Variants in LGR4 observed in about 807,000 individuals in gnomAD.
LGR4 encodes leucine-rich repeat-containing G protein-coupled receptor 4.
Under a neutral mutation model 84.8 loss-of-function variants are expected in LGR4, and 44 were observed. The observed-to-expected ratio is 0.52, with a 90% confidence interval of 0.41 to 0.67. LGR4 has a LOEUF of 0.67. LGR4 is among the 30% of genes least tolerant of loss of function. The pLI, the probability that LGR4 is intolerant of heterozygous loss-of-function variation, is 0.00. For missense variants in LGR4, 1,032 were observed against 1,131.4 expected, an observed-to-expected ratio of 0.91 and a Z score of 1.26; for synonymous variants, 429 against 434.3, an observed-to-expected ratio of 0.99 and a Z score of 0.15.
chr11:27,456,319 C>CAA (rs754615903), intron 1 of LGR4, among the ~76,000 whole-genome samples: 3 of 151,746 alleles, frequency 2.0e-5, no homozygotes, highest in African/African-American at 7.3e-5. Context: ...ACACCATCAA[C>CAA]ACACAGTGTT....
chr11:27,441,132 CAG>C (rs1864298667), intron 1 of LGR4, among the ~76,000 whole-genome samples: 2 of 152,252 alleles, frequency 1.3e-5, no homozygotes, highest in Admixed American at 1.3e-4. Context: ...GTTAAGCAAA[CAG>C]AATAAGAAAT....
At chr11:27,382,863 C>T (rs540113036) in intron 6 of LGR4, among the ~76,000 whole-genome samples, 1 of 151,778 alleles carries the variant, frequency 6.6e-6, no homozygotes, top group South Asian at 2.1e-4. Context: ...CTAAAAATAC[C>T]AAAATTAGCA....
intron 1 of LGR4, among the ~76,000 whole-genome samples, chr11:27,418,566 C>A (rs1009579199): frequency 6.6e-6 from 1 of 152,072 alleles, no homozygotes; most frequent in Admixed American, 6.6e-5. Flanking sequence ...TTCTCTACAG[C>A]CTTGGAATCC....
chr11:27,425,828 T>A lies in LGR4; in HGVS notation c.186-12968A>T, dbSNP rs143166350. ...CTAATTCCTCATCTGTACAATATTA[T>A]GATAATATGAAAAACTTAAACTTAT... On this transcript the variant is annotated intron_variant, in intron 1 of 17. Coordinates refer to ENST00000379214, the MANE Select transcript of LGR4 (RefSeq NM_018490.5). 4.7e-3 allele frequency among the ~76,000 whole-genome samples: 711 copies of A among 152,308 alleles called. 2 individuals are homozygous for A. The highest frequency in any genetic ancestry group is 0.016 in the African/African-American group (674 of 41,562).
At chr11:27,405,362 T>A (rs901111795) in intron 2 of LGR4, among the ~76,000 whole-genome samples, 4 of 152,020 alleles carry the variant, frequency 2.6e-5, no homozygotes, top group Non-Finnish European at 5.9e-5. Flanking sequence ...TCCCAAGGAG[T>A]TGTCTTTGGC....
intron 7 of LGR4, 30 bp from the exon 8 acceptor site, chr11:27,380,996 A>G (rs2133369452): frequency 8.2e-7 from 1 of 1,217,506 alleles, no homozygotes; most frequent in Non-Finnish European, 1.2e-6. Context: ...GTATTTTGAA[A>G]TGCATTATCC....
At chr11:27,388,410 A>G in intron 4 of LGR4, among the ~76,000 whole-genome samples, 1 of 152,188 alleles carries the variant, frequency 6.6e-6, no homozygotes, top group Non-Finnish European at 1.5e-5. Flanking sequence ...CAGCTATCTC[A>G]CAAAGTAGAA....
At chr11:27,380,372 T>A (rs898939624) in intron 9 of LGR4, 33 bp from the exon 10 acceptor site, 1 of 1,531,608 alleles carries the variant, frequency 6.5e-7, no homozygotes, top group Non-Finnish European at 9.0e-7. Context: ...AGGTAATTTT[T>A]AAATTTTTTT....
chr11:27,381,946 T>C (rs960082501), intron 7 of LGR4, among the ~76,000 whole-genome samples: 1 of 152,242 alleles, frequency 6.6e-6, no homozygotes, highest in Non-Finnish European at 1.5e-5. Flanking sequence ...TACAAGCTCC[T>C]TAAAGGCAGA....
rs1456773566 is a variant in LGR4, at chr11:27,472,746, G to C, written c.-444C>G. 2.8e-6 allele frequency: 1 copy of C among 353,452 alleles called. No individual in the cohort carries two copies. The highest frequency in any genetic ancestry group is 5.1e-6 in the Non-Finnish European group (1 of 197,680). The allele number at this position is 353,452 out of a possible 1,614,324, so 21.9% of individuals were successfully genotyped here. A position where few individuals can be genotyped will look rare whatever the true frequency, so the allele number is the denominator to read the frequency against. Reference sequence around the variant, plus strand: ...TCTGGCTCGCTGTCTCCCAGCCGCGGCTCAATCTCTTCCCGTCCTTTTCCC... The same window carrying C: ...TCTGGCTCGCTGTCTCCCAGCCGCGCCTCAATCTCTTCCCGTCCTTTTCCC... On this transcript the variant is annotated 5_prime_UTR_variant, in exon 1 of 18. Transcript: ENST00000379214.
intron 1 of LGR4, among the ~76,000 whole-genome samples, chr11:27,432,488 G>GA (rs759114956): frequency 1.8e-4 from 27 of 152,102 alleles, no homozygotes; most frequent in Non-Finnish European, 3.2e-4. Context: ...GGTGGACATG[G>GA]AAAAAAGCAG....
intron 1 of LGR4, among the ~76,000 whole-genome samples, chr11:27,425,466 G>A (rs1377563773): frequency 1.3e-5 from 2 of 151,974 alleles, no homozygotes; most frequent in Non-Finnish European, 2.9e-5. Context: ...CAGTAGCTAG[G>A]ACTACAGGCA....
At chr11:27,436,068 C>T (rs935961721) in intron 1 of LGR4, among the ~76,000 whole-genome samples, 4 of 151,840 alleles carry the variant, frequency 2.6e-5, no homozygotes, top group Admixed American at 2.6e-4. Flanking sequence ...CCCACTACCA[C>T]GCCCGGCTAA....
chr11:27,453,483 C>G (rs946399958), intron 1 of LGR4, among the ~76,000 whole-genome samples: 4 of 152,186 alleles, frequency 2.6e-5, no homozygotes, highest in African/African-American at 9.7e-5. Context: ...GGCTACCCTA[C>G]TTTAACAGCA....
At chr11:27,370,501 C>G (rs1862861210) in intron 17 of LGR4, among the ~76,000 whole-genome samples, 1 of 152,238 alleles carries the variant, frequency 6.6e-6, no homozygotes, top group Non-Finnish European at 1.5e-5. Context: ...GCTGCCTCCT[C>G]TGGTGCTAAC....
intron 2 of LGR4, among the ~76,000 whole-genome samples, chr11:27,403,623 T>C (rs1187822785): frequency 6.6e-6 from 1 of 152,192 alleles, no homozygotes; most frequent in African/African-American, 2.4e-5. Flanking sequence ...GTGGTAAATA[T>C]AGTAGGAGTC....
At chr11:27,438,406 C>T (rs940550707) in intron 1 of LGR4, among the ~76,000 whole-genome samples, 2 of 152,104 alleles carry the variant, frequency 1.3e-5, no homozygotes, top group African/African-American at 4.8e-5. Context: ...GTTGCCACCA[C>T]TTGGCAGGCA....
At chr11:27,425,326 G>T (rs1181979458) in intron 1 of LGR4, among the ~76,000 whole-genome samples, 1 of 142,484 alleles carries the variant, frequency 7.0e-6, no homozygotes, top group Non-Finnish European at 1.5e-5. Flanking sequence ...TCTCAGCACA[G>T]TTTTTTTTTT....
chr11:27,392,089 T>C (rs1863296696), intron 3 of LGR4, among the ~76,000 whole-genome samples: 1 of 152,152 alleles, frequency 6.6e-6, no homozygotes, highest in African/African-American at 2.4e-5. Context: ...TAAGCCTTTT[T>C]CCCTTTTAGA....
Sources: gnomAD v4.1 joint callset for allele counts (sites outside exome capture counted in the v4.1 genomes callset) on GRCh38, gnomAD v4.1.1 for gene constraint, MANE v1.5 for transcripts, NCBI Gene and HGNC (gene_info 2026-07-23, HGNC 2026-07-21) for gene names.